CDKL5: variants seen among roughly 807,000 people sequenced by gnomAD.
CDKL5 encodes the protein cyclin-dependent kinase-like 5.
CDKL5 carries 8 observed loss-of-function variants against 61.7 expected under a neutral mutation model. That is an observed-to-expected ratio of 0.13 (90% CI 0.08 to 0.23). CDKL5 has a LOEUF of 0.23. CDKL5 is among the 10% of genes least tolerant of loss of function. The pLI, the probability that CDKL5 is intolerant of heterozygous loss-of-function variation, is 1.00. For missense variants in CDKL5, 440 were observed against 734.5 expected (o/e 0.60, Z 4.63); for synonymous variants, 275 against 272.3 (o/e 1.01, Z -0.10).
chrX:18,568,472 T>C (rs1925039233), intron 4 of CDKL5, among the ~76,000 whole-genome samples: 1 of 112,101 alleles, frequency 8.9e-6, no homozygotes, highest in Non-Finnish European at 1.9e-5. Flanking sequence ...AATAAGTTTA[T>C]AGTTAACACA....
At chrX:18,483,275 C>T (rs780661824) in intron 1 of CDKL5, among the ~76,000 whole-genome samples, 10 of 111,466 alleles carry the variant, frequency 9.0e-5, no homozygotes, top group Non-Finnish European at 1.9e-4. Context: ...AGAAAATAGG[C>T]TTGAAGGGAC....
chrX:18,523,103 AT>A (rs1923312258), intron 3 of CDKL5, among the ~76,000 whole-genome samples: 1 of 109,718 alleles, frequency 9.1e-6, no homozygotes, highest in Non-Finnish European at 1.9e-5. Flanking sequence ...GCCCCAGTTT[AT>A]TTTTTTTTAT....
intron 3 of CDKL5, among the ~76,000 whole-genome samples, chrX:18,513,369 GA>G (rs1265324851): frequency 9.0e-6 from 1 of 111,305 alleles, no homozygotes; most frequent in African/African-American, 3.3e-5. Context: ...CTCTAAATGT[GA>G]ACTCTGATTT....
chrX:18,468,707 T>C (rs1473091617), intron 1 of CDKL5, among the ~76,000 whole-genome samples: 1 of 111,935 alleles, frequency 8.9e-6, no homozygotes, highest in Non-Finnish European at 1.9e-5. Flanking sequence ...AGCATGAATA[T>C]CTCCTAATCT....
intron 3 of CDKL5, among the ~76,000 whole-genome samples, chrX:18,539,358 C>T (rs771904674): frequency 1.6e-4 from 18 of 111,919 alleles, no homozygotes; most frequent in African/African-American, 5.8e-4. Context: ...AAATTTCCCT[C>T]TCAATACTGC....
intron 9 of CDKL5, chrX:18,589,674 A>G (rs967046372): frequency 8.9e-6 from 1 of 111,830 alleles, no homozygotes; most frequent in Non-Finnish European, 1.9e-5. Flanking sequence ...GCTGGGTCAA[A>G]TGGTATTTCT....
At chrX:18,560,781 A>T (rs2147129769) in intron 3 of CDKL5, among the ~76,000 whole-genome samples, 2 of 109,076 alleles carry the variant, frequency 1.8e-5, no homozygotes, top group East Asian at 5.7e-4. Flanking sequence ...AAAAATACAC[A>T]CACACACACA....
chrX:18,653,233 C>T (rs1471161268), intron 21 of CDKL5, among the ~76,000 whole-genome samples: 1 of 111,993 alleles, frequency 8.9e-6, no homozygotes, highest in Non-Finnish European at 1.9e-5. Flanking sequence ...ATTTTTTGCT[C>T]TCAGAGTGCC....
downstream of CDKL5, among the ~76,000 whole-genome samples, chrX:18,643,415 G>A (rs909766533): frequency 9.0e-6 from 1 of 111,096 alleles, no homozygotes; most frequent in African/African-American, 3.3e-5. Flanking sequence ...GCCTATTCAA[G>A]TCAGGAGCCA....
intron 3 of CDKL5, among the ~76,000 whole-genome samples, chrX:18,562,109 A>G (rs985805933): frequency 1.8e-5 from 2 of 112,164 alleles, no homozygotes; most frequent in African/African-American, 6.5e-5. Flanking sequence ...ACTTATTAAA[A>G]GAAAGCTTCT....
rs1473398901 is a variant in CDKL5 at position 18,650,134 on chromosome X, A to C, written c.2798-276A>C. On this transcript the variant is annotated intron_variant, in intron 20 of 21. Transcript: ENST00000379989. ...CATCTCTTTTGCCATTTCTTCCCAAATAGCTCATCTAACACTCCAGAGCGG... is the reference window on the plus strand; with the variant it reads ...CATCTCTTTTGCCATTTCTTCCCAACTAGCTCATCTAACACTCCAGAGCGG... 1.0e-5 allele frequency: 4 copies of C among 396,321 alleles called. No individual in the cohort carries two copies. The South Asian group carries it at 1.4e-4, about 14-fold the overall frequency. 32.7% of individuals were successfully genotyped at this position (396,321 alleles called of 1,213,427 possible). A position where few individuals can be genotyped will look rare whatever the true frequency, so the allele number is the denominator to read the frequency against.
intron 4 of CDKL5, among the ~76,000 whole-genome samples, chrX:18,565,840 G>A (rs991645293): frequency 1.8e-5 from 2 of 111,613 alleles, no homozygotes; most frequent in African/African-American, 6.5e-5. Context: ...TGTTCTGGGG[G>A]GACAAAAAAA....
chrX:18,605,865 G>A (rs946967756), intron 12 of CDKL5, among the ~76,000 whole-genome samples: 9 of 111,904 alleles, frequency 8.0e-5, no homozygotes, highest in African/African-American at 2.3e-4. Flanking sequence ...CTGCTCTTGG[G>A]GAAGATAAAC....
At chrX:18,541,656 A>G (rs1201785563) in intron 3 of CDKL5, among the ~76,000 whole-genome samples, 1 of 110,384 alleles carries the variant, frequency 9.1e-6, no homozygotes, top group Non-Finnish European at 1.9e-5. Flanking sequence ...TCAGCCTCCC[A>G]AGTAGTTGGG....
intron 1 of CDKL5, among the ~76,000 whole-genome samples, chrX:18,489,578 T>C (rs1371918553): frequency 1.8e-5 from 2 of 111,282 alleles, no homozygotes; most frequent in Non-Finnish European, 3.8e-5. Context: ...GGAGATTCTA[T>C]TGATTCCAGG....
At chrX:18,459,004 T>G (rs1932214005) in intron 1 of CDKL5, among the ~76,000 whole-genome samples, 1 of 112,251 alleles carries the variant, frequency 8.9e-6, no homozygotes, top group South Asian at 3.7e-4. Context: ...TGTCTTTTCC[T>G]TCTGCCTTTA....
At chrX:18,597,737 C>T (rs750476873) in intron 10 of CDKL5, among the ~76,000 whole-genome samples, 6 of 107,874 alleles carry the variant, frequency 5.6e-5, no homozygotes, top group East Asian at 5.9e-4. Flanking sequence ...GCTGGGATTA[C>T]GGGCATGAGC....
rs937679662 is a variant in CDKL5 at position 18,427,106 on chromosome X, G to A, written c.-163+1411G>A. ...AATAGATTTTTAAAAAAGGCGTGCT[G>A]CTTTTCGAGAATATGATAGGTTGAG... On this transcript the variant is annotated intron_variant, in intron 1 of 17. Coordinates refer to ENST00000623535, the MANE Select transcript of CDKL5 (RefSeq NM_001323289.2). Among the ~76,000 whole-genome samples, 12 of 111,266 alleles carry A rather than the reference G, an allele frequency of 1.1e-4. No individual in the cohort carries two copies. The Admixed American group carries it at 1.2e-3, about 11-fold the overall frequency.
intron 1 of CDKL5, among the ~76,000 whole-genome samples, chrX:18,453,434 T>C (rs958413728): frequency 2.7e-5 from 3 of 111,510 alleles, no homozygotes; most frequent in African/African-American, 9.8e-5. Context: ...ACACCTATTG[T>C]CCTAATCTCT....
Sources: gnomAD v4.1 joint callset for allele counts (sites outside exome capture counted in the v4.1 genomes callset) on GRCh38, gnomAD v4.1.1 for gene constraint, MANE v1.5 for transcripts, NCBI Gene and HGNC (gene_info 2026-07-23, HGNC 2026-07-21) for gene names.